The following ZNF606 variants were observed in gnomAD, a reference collection of about 807,000 sequenced individuals.
The protein encoded by ZNF606 is zinc finger protein 606, also known as zinc finger protein 328.
Under a neutral mutation model 74.9 loss-of-function variants are expected in ZNF606, and 37 were observed. That is an observed-to-expected ratio of 0.49 (90% CI 0.38 to 0.65). ZNF606 has a LOEUF of 0.65. Among genes scored for constraint, ZNF606 ranks in the 30% least tolerant of loss-of-function variants. The pLI is 0.00. For synonymous variants in ZNF606, 328 were observed against 312.4 expected (o/e 1.05, Z -0.53); for missense variants, 852 against 952.9 (o/e 0.89, Z 1.39).
upstream of ZNF606, chr19:58,002,943 G>A (rs1274719709): frequency 2.2e-6 from 1 of 455,594 alleles, no homozygotes; most frequent in Non-Finnish European, 4.4e-6. Context: ...GCGGGGTTGG[G>A]ACCTTTCTGG....
At chr19:57,995,288 G>A (rs10401961) in intron 4 of ZNF606, among the ~76,000 whole-genome samples, 33,209 of 150,694 alleles carry the variant, frequency 0.22, 3,725 homozygotes, top group Non-Finnish European at 0.24. Flanking sequence ...CGTGCACAAA[G>A]TGAAGTCACA....
Position 57,988,220 on chromosome 19 carries a change from T to A in ZNF606, c.387A>T (p.Gln129His), listed in dbSNP as rs2073194598. The change falls in exon 6 of 7, where the codon CAA (glutamine) becomes CAT (histidine). Residue 129 changes from glutamine (Q) to histidine (H), a missense_variant. Transcript: ENST00000551380. ...EPWSVEQACP[Q>H]RTCPEWVRNL... ...GTCTGCCCTCACCTGGACAAGTGCGTTGAGGACATGCCTGCTCCACTGACC... is the reference window on the plus strand; with the variant it reads ...GTCTGCCCTCACCTGGACAAGTGCGATGAGGACATGCCTGCTCCACTGACC... The A allele has an allele frequency of 1.2e-5, 20 of 1,613,920 alleles. No homozygotes were observed. Among genetic ancestry groups the A allele is most frequent in the Non-Finnish European group, 1.7e-5 (20 of 1,179,942 alleles).
In ZNF606 at chr19:57,978,213, T is replaced by A. The variant is rs1163978119; in HGVS notation, c.*88A>T. On this transcript the variant is annotated 3_prime_UTR_variant, in exon 7 of 7. Coordinates refer to ENST00000551380, the MANE Select transcript of ZNF606 (RefSeq NM_001348022.3). This position sits in a 1 kb window ranked among gnomAD's most constrained non-coding sequence, Gnocchi z 4.4. Reference sequence around the variant, plus strand: ...TGTGGGAGAAGTCTTACTGAACTCTTAATGAAAAATGTCCCCTCTTGATTA... The same window carrying A: ...TGTGGGAGAAGTCTTACTGAACTCTAAATGAAAAATGTCCCCTCTTGATTA... The A allele has an allele frequency of 7.5e-7, 1 of 1,328,414 alleles. No individual in the cohort carries two copies. Among genetic ancestry groups the A allele is most frequent in the East Asian group, 2.4e-5 (1 of 41,626 alleles). 82.3% of individuals were successfully genotyped at this position (1,328,414 alleles called of 1,614,324 possible). A position where few individuals can be genotyped will look rare whatever the true frequency, so the allele number is the denominator to read the frequency against.
Position 57,980,150 on chromosome 19 carries a change from A to C in ZNF606, c.530T>G (p.Leu177Trp). 1 of 1,614,186 alleles carries C rather than the reference A, an allele frequency of 6.2e-7. No homozygotes were observed. The highest frequency in any genetic ancestry group is 8.5e-7 in the Non-Finnish European group (1 of 1,180,034). ...DDPWFSRLEV[L>W]GCKDQLEMYH... ...CATTTCTAATTGGTCTTTACATCCC[A>C]AAACTTCTAACCTGGAGAACCAAGG... is the stretch of plus-strand genomic sequence containing the variant. The change falls in exon 7 of 7, where the codon TTG becomes TGG. Residue 177 changes from leucine (L) to tryptophan (W), a missense_variant. Physicochemically the swap from Leu to Trp is moderately conservative, Grantham distance 61. Around this residue, in one of 3 missense-constraint regions of ZNF606, gnomAD observed 545 missense variants for 542.5 expected, o/e 1.00. Transcript: ENST00000551380.
chr19:57,977,075 A>C (rs1469509343), downstream of ZNF606: 1 of 152,232 alleles, frequency 6.6e-6, no homozygotes, highest in Non-Finnish European at 1.5e-5. Flanking sequence ...AGGTAACTTT[A>C]TTTCTCATTG....
chr19:58,002,217 T>C (rs768931509), intron 1 of ZNF606, 179 bp downstream of exon 1: 1 of 456,828 alleles, frequency 2.2e-6, no homozygotes, highest in South Asian at 1.5e-5. Context: ...CTGACGTCCT[T>C]CACAGTGCTT....
At chr19:57,991,888 T>TA (rs2073267240) in intron 4 of ZNF606, among the ~76,000 whole-genome samples, 1 of 152,172 alleles carries the variant, frequency 6.6e-6, no homozygotes, top group South Asian at 2.1e-4. Context: ...GGGAACCAGC[T>TA]AGGCAGCTGT....
chr19:57,999,393 A>C, intron 4 of ZNF606: 1 of 219,360 alleles, frequency 4.6e-6, no homozygotes. Flanking sequence ...AGCTGAGTGA[A>C]TAACCCTGGA....
chr19:57,988,345 C>T, intron 5 of ZNF606, 43 bp from the exon 6 acceptor site: 1 of 1,581,386 alleles, frequency 6.3e-7, no homozygotes, highest in Non-Finnish European at 8.6e-7. Context: ...CATGAGGCTT[C>T]AGGACAGCCA....
intron 4 of ZNF606, among the ~76,000 whole-genome samples, chr19:57,995,845 A>G (rs1325032598): frequency 1.3e-5 from 2 of 152,200 alleles, no homozygotes; most frequent in East Asian, 3.8e-4. Context: ...GTCTATGTCT[A>G]TATAGTTTAT....
chr19:57,989,478 G>A (rs1403449357), intron 4 of ZNF606, among the ~76,000 whole-genome samples: 1 of 151,646 alleles, frequency 6.6e-6, no homozygotes, highest in Non-Finnish European at 1.5e-5. Context: ...ACAGAGTCTC[G>A]CTCTGTCGCC....
At chr19:57,990,051 CAAAAAAAAAA>C (rs1159494660) in intron 4 of ZNF606, among the ~76,000 whole-genome samples, 11 of 13,842 alleles carry the variant, frequency 7.9e-4, no homozygotes, top group East Asian at 3.2e-3. Context: ...GACTCCATCT[CAAAAAAAAAA>C]AAAAAAAAAA....
chr19:58,003,314 A>G (rs909851134), upstream of ZNF606: 2 of 456,508 alleles, frequency 4.4e-6, no homozygotes, highest in Non-Finnish European at 4.4e-6. Flanking sequence ...TTATGGGAGC[A>G]TGGGTTACCA....
At chr19:57,988,960 C>A (rs1600220942) in intron 4 of ZNF606, among the ~76,000 whole-genome samples, 1 of 152,294 alleles carries the variant, frequency 6.6e-6, no homozygotes, top group African/African-American at 2.4e-5. Context: ...CAAAGCTGAG[C>A]AGGTCTCTTC....
At chr19:57,987,497 T>C (rs1039469130) in intron 6 of ZNF606, among the ~76,000 whole-genome samples, 1 of 152,160 alleles carries the variant, frequency 6.6e-6, no homozygotes, top group Admixed American at 6.5e-5. Context: ...TTTAAAAATC[T>C]ATTTTGTTTG....
At chr19:57,981,926 G>A (rs1345833121) in intron 6 of ZNF606, among the ~76,000 whole-genome samples, 2 of 152,174 alleles carry the variant, frequency 1.3e-5, no homozygotes, top group Non-Finnish European at 2.9e-5. Context: ...GACTAAAGTC[G>A]AGACTCAGAA....
intron 4 of ZNF606, among the ~76,000 whole-genome samples, chr19:57,989,259 C>G (rs1477463190): frequency 6.6e-6 from 1 of 152,010 alleles, no homozygotes; most frequent in Non-Finnish European, 1.5e-5. Context: ...CAGGATGCCC[C>G]AGAGCAGCCC....
intron 2 of ZNF606, 59 bp downstream of exon 2, chr19:58,001,230 C>G: frequency 6.2e-7 from 1 of 1,602,900 alleles, no homozygotes; most frequent in Non-Finnish European, 8.5e-7. Flanking sequence ...CCAGCTCTGA[C>G]CCATGACTGC....
chr19:57,993,606 G>T (rs1028040865), intron 4 of ZNF606, among the ~76,000 whole-genome samples: 1 of 152,214 alleles, frequency 6.6e-6, no homozygotes, highest in African/African-American at 2.4e-5. Flanking sequence ...GCACAGCTTT[G>T]CAAGTGCCTG....
Sources: gnomAD v4.1 joint callset for allele counts (sites outside exome capture counted in the v4.1 genomes callset) on GRCh38, gnomAD v4.1.1 for gene constraint, gnomAD v4.1.1 regional missense constraint, Gnocchi (gnomAD v3.1) non-coding constraint, MANE v1.5 for transcripts, NCBI Gene and HGNC (gene_info 2026-07-23, HGNC 2026-07-21) for gene names.